ZNF208: variants seen among roughly 807,000 people sequenced by gnomAD.
ZNF208 encodes the protein zinc finger protein 95.
In ZNF208, 10 loss-of-function variants were observed where a neutral mutation model predicts 12.1. That is an observed-to-expected ratio of 0.83 (90% CI 0.51 to 1.40). ZNF208 has a LOEUF of 1.40. Among genes scored for constraint, ZNF208 ranks in the 40% most tolerant of loss-of-function variants. The pLI, the probability that ZNF208 is intolerant of heterozygous loss-of-function variation, is 0.00. For missense variants in ZNF208, 1,652 were observed against 1,485.0 expected (o/e 1.11, Z -1.85); for synonymous variants, 497 against 488.4 (o/e 1.02, Z -0.23).
In ZNF208 at chr19:21,972,146, T is replaced by C; in HGVS notation, c.2888A>G (p.His963Arg). The C allele has an allele frequency of 6.2e-7, 1 of 1,611,000 alleles. No individual in the cohort carries two copies. Among genetic ancestry groups the C allele is most frequent in the Non-Finnish European group, 8.5e-7 (1 of 1,178,094 alleles). ...AYKSSSTLSY[H>R]KKIHTEEKPY... Reference sequence around the variant, plus strand: ...TTTCTCTTCAGTATGAATTTTCTTATGATAACTAAGGGTTGAGGATGACTT... The same window carrying C: ...TTTCTCTTCAGTATGAATTTTCTTACGATAACTAAGGGTTGAGGATGACTT... The change falls in exon 4 of 4, where the codon CAT (histidine) becomes CGT (arginine). Residue 963 changes from histidine to arginine, a missense_variant. By Grantham distance (29) the His-to-Arg change is conservative. Transcript: ENST00000397126.
At chr19:21,956,540 G>C (rs1372431966) in intron 4 of ZNF208, among the ~76,000 whole-genome samples, 1 of 152,168 alleles carries the variant, frequency 6.6e-6, no homozygotes, top group Non-Finnish European at 1.5e-5. Flanking sequence ...AGCAATGGCA[G>C]AAGCCCCTCC....
intron 4 of ZNF208, among the ~76,000 whole-genome samples, chr19:21,959,596 C>T (rs1269592032): frequency 3.9e-5 from 6 of 152,008 alleles, no homozygotes; most frequent in African/African-American, 1.2e-4. Context: ...AGTAAAAATG[C>T]CTTTGAGGGG....
At chr19:21,959,103 T>C (rs1218091708) in intron 4 of ZNF208, among the ~76,000 whole-genome samples, 1 of 151,932 alleles carries the variant, frequency 6.6e-6, no homozygotes, top group African/African-American at 2.4e-5. Flanking sequence ...AAGGAACTAA[T>C]CTTTCATCAA....
At chr19:21,962,315 AG>A (rs779018112), downstream of ZNF208, among the ~76,000 whole-genome samples, 3 of 152,166 alleles carry the variant, frequency 2.0e-5, no homozygotes, top group Non-Finnish European at 4.4e-5. Context: ...TATGGTGAAA[AG>A]GGCTGATGAA....
rs1970246582 is a variant in ZNF208, at chr19:21,969,840, A to T, written c.*1351T>A. On this transcript the variant is annotated 3_prime_UTR_variant, in exon 4 of 4. Transcript: ENST00000397126. Reference sequence around the variant, plus strand: ...ATCTAGTGACAGTGATTGCACTTTTAATACTTTTATTTAGTATGAACTCTC... The same window carrying T: ...ATCTAGTGACAGTGATTGCACTTTTTATACTTTTATTTAGTATGAACTCTC... 6.6e-6 allele frequency among the ~76,000 whole-genome samples: 1 copy of T among 152,154 alleles called. No individual in the cohort carries two copies. Among genetic ancestry groups the T allele is most frequent in the South Asian group, 2.1e-4 (1 of 4,834 alleles).
chr19:21,945,445 T>C (rs1340281615), intron 4 of ZNF208, among the ~76,000 whole-genome samples: 1 of 152,218 alleles, frequency 6.6e-6, no homozygotes, highest in Admixed American at 6.5e-5. Flanking sequence ...TGCTTTGTTT[T>C]GTATTTTTTG....
chr19:21,989,602 A>G (rs2145568895), intron 1 of ZNF208, among the ~76,000 whole-genome samples: 1 of 152,210 alleles, frequency 6.6e-6, no homozygotes, highest in East Asian at 1.9e-4. Context: ...ATACCCAGTA[A>G]TGAGATGGCT....
rs77817872 is a variant in ZNF208 at position 21,974,223 on chromosome 19, T to C, written c.811A>G (p.Ile271Val). Reference protein sequence around the residue: ...ECGKAFNQSAILTKHKIIHTG... With the variant: ...ECGKAFNQSAVLTKHKIIHTG... ...TGAATTATCTTATGTTTAGTAAGGA[T>C]TGCAGATTGGTTAAAAGCCTTGCCA... Residue 271 changes from isoleucine to valine, a missense_variant, in exon 4 of 4, where the codon ATC becomes GTC. Ile to Val is a conservative substitution (Grantham distance 29). Around this residue, in one of 3 missense-constraint regions of ZNF208, gnomAD observed 410 missense variants for 378.2 expected, o/e 1.08. Coordinates refer to ENST00000397126, the MANE Select transcript of ZNF208 (RefSeq NM_007153.3). 2,459 of 1,602,312 alleles carry C rather than the reference T, an allele frequency of 1.5e-3. 37 individuals are homozygous for C. The African/African-American group carries it at 0.027, about 17-fold the overall frequency.
In ZNF208 at chr19:21,973,491, G is replaced by A. The variant is rs762878030; in HGVS notation, c.1543C>T (p.His515Tyr). ...AFNWSSNLME[H>Y]KRIHTGEKPY... is the part of the protein sequence containing the mutation. ...TTCTCTCCAGTATGAATTCTCTTAT[G>A]TTCCATAAGGTTTGAGGACCAGTTG... Residue 515 changes from histidine to tyrosine, a missense_variant, in exon 4 of 4, where the codon CAT becomes TAT. His to Tyr is a moderately conservative substitution (Grantham distance 83). Transcript: ENST00000397126. 5.6e-6 allele frequency: 9 copies of A among 1,612,814 alleles called. No homozygotes were observed. Among genetic ancestry groups the A allele is most frequent in the Non-Finnish European group, 6.8e-6 (8 of 1,179,768 alleles).
intron 1 of ZNF208, among the ~76,000 whole-genome samples, chr19:22,007,310 G>C (rs1293852490): frequency 6.6e-6 from 1 of 151,056 alleles, no homozygotes; most frequent in Non-Finnish European, 1.5e-5. Context: ...ATGAGGTCAG[G>C]AGATTGAGAC....
intron 3 of ZNF208, among the ~76,000 whole-genome samples, chr19:21,982,810 TA>T (rs1305171371): frequency 6.6e-6 from 1 of 152,174 alleles, no homozygotes; most frequent in African/African-American, 2.4e-5. Context: ...TGGCTAGCCA[TA>T]TGCAGAAAAC....
chr19:21,970,046 C>A lies in ZNF208; in HGVS notation c.*1145G>T, dbSNP rs907111117. Reference sequence around the variant, plus strand: ...GTTTTCTCCAGTATGAGTTATCTTACCTACAATCAAGTGTGACAGCCACTT... The same window carrying A: ...GTTTTCTCCAGTATGAGTTATCTTAACTACAATCAAGTGTGACAGCCACTT... On this transcript the variant is annotated 3_prime_UTR_variant, in exon 4 of 4. Coordinates refer to ENST00000397126, the MANE Select transcript of ZNF208 (RefSeq NM_007153.3). Among the ~76,000 whole-genome samples, 4 of 152,154 alleles carry A rather than the reference C, an allele frequency of 2.6e-5. No homozygotes were observed. The highest frequency in any genetic ancestry group is 9.7e-5 in the African/African-American group (4 of 41,444).
intron 4 of ZNF208, among the ~76,000 whole-genome samples, chr19:21,948,169 C>A (rs1969841017): frequency 1.3e-5 from 2 of 152,176 alleles, no homozygotes; most frequent in Admixed American, 6.5e-5. Context: ...AGTTTGCATT[C>A]CCCTCTAGTG....
chr19:21,940,943 G>A (rs1466880821), intron 4 of ZNF208: 1 of 164,834 alleles, frequency 6.1e-6, no homozygotes, highest in Non-Finnish European at 1.3e-5. Flanking sequence ...CCGGCTTTGA[G>A]CCGAGGCATC....
intron 4 of ZNF208, among the ~76,000 whole-genome samples, chr19:21,952,794 G>A (rs1969911952): frequency 6.6e-6 from 1 of 152,172 alleles, no homozygotes. Flanking sequence ...CACCAGCAAT[G>A]GAACAAAGCT....
chr19:21,978,093 C>T (rs539284943), intron 3 of ZNF208, among the ~76,000 whole-genome samples: 5 of 152,286 alleles, frequency 3.3e-5, no homozygotes, highest in South Asian at 2.1e-4. Context: ...ATAGATAAAA[C>T]GCCCATCTCC....
intron 3 of ZNF208, among the ~76,000 whole-genome samples, chr19:21,977,017 A>G (rs1970443998): frequency 6.6e-6 from 1 of 152,254 alleles, no homozygotes. Flanking sequence ...ATATTACACA[A>G]GCTAAATCTT....
At chr19:21,950,930 T>TA (rs555893599) in intron 4 of ZNF208, among the ~76,000 whole-genome samples, 1,727 of 152,314 alleles carry the variant, frequency 0.011, 14 homozygotes, top group Middle Eastern at 0.027. Context: ...GTGATGTCTA[T>TA]AAAAAACCTC....
intron 4 of ZNF208, among the ~76,000 whole-genome samples, chr19:21,948,128 C>T (rs1469808664): frequency 6.6e-6 from 1 of 152,146 alleles, no homozygotes; most frequent in Non-Finnish European, 1.5e-5. Context: ...CCTTGTCTCC[C>T]CTTTTTCTAG....
Sources: gnomAD v4.1 joint callset for allele counts (sites outside exome capture counted in the v4.1 genomes callset) on GRCh38, gnomAD v4.1.1 for gene constraint, gnomAD v4.1.1 regional missense constraint, MANE v1.5 for transcripts, NCBI Gene and HGNC (gene_info 2026-07-23, HGNC 2026-07-21) for gene names.